Variants in TAF5 observed in about 807,000 individuals in gnomAD.
TAF5 encodes transcription initiation factor TFIID subunit 5.
A neutral mutation model predicts 80.9 loss-of-function variants in TAF5; 20 were observed. That is an observed-to-expected ratio of 0.25 (90% confidence interval 0.17 to 0.36). The LOEUF is 0.36. Among genes scored for constraint, TAF5 ranks in the 10% least tolerant of loss-of-function variants. TAF5 has a pLI of 1.00. For missense variants in TAF5, 863 were observed against 1,029.4 expected, an observed-to-expected ratio of 0.84 and a Z score of 2.21; for synonymous variants, 388 against 406.4, an observed-to-expected ratio of 0.95 and a Z score of 0.55.
chr10:103,382,782 A>G (rs2093385984), intron 6 of TAF5, among the ~76,000 whole-genome samples: 1 of 151,542 alleles, frequency 6.6e-6, no homozygotes, highest in Non-Finnish European at 1.5e-5. Context: ...TGAGTAGCTG[A>G]GACTACAGGT....
chr10:103,387,922 C>A, intron 10 of TAF5, 84 bp from the exon 11 acceptor site: 2 of 1,321,748 alleles, frequency 1.5e-6, no homozygotes, highest in Non-Finnish European at 2.1e-6. Context: ...CCAAAATGTA[C>A]AGTAAATACA....
At position 103,368,540 on chromosome 10, in the gene TAF5, C is replaced by T; in HGVS notation, c.551C>T (p.Pro184Leu). ...VSGSASGPAA[P>L]GKVGSVAVED... ...GGTTCAGCCTCAGGTCCTGCGGCTC[C>T]GGGTAAAGGTGAGCCGTGGGGTCCC... Residue 184 changes from proline to leucine, a missense_variant, in exon 1 of 11, where the codon CCG becomes CTG. Coordinates refer to ENST00000369839, the MANE Select transcript of TAF5 (RefSeq NM_006951.5). 1 of 1,516,812 alleles carries T rather than the reference C, an allele frequency of 6.6e-7. No individual in the cohort carries two copies. The highest frequency in any genetic ancestry group is 1.4e-5 in the African/African-American group (1 of 70,986). 94.0% of individuals were successfully genotyped at this position (1,516,812 alleles called of 1,614,324 possible).
intron 1 of TAF5, among the ~76,000 whole-genome samples, chr10:103,369,723 G>T (rs1188257238): frequency 6.6e-6 from 1 of 152,076 alleles, no homozygotes; most frequent in Non-Finnish European, 1.5e-5. Context: ...GAGGATGCAG[G>T]TTCCTGGGCA....
intron 6 of TAF5, 131 bp downstream of exon 6, chr10:103,381,972 C>T: frequency 7.7e-7 from 1 of 1,304,108 alleles, no homozygotes; most frequent in Non-Finnish European, 1.1e-6. Flanking sequence ...AAGATTCTAA[C>T]ATTCCCAACA....
At chr10:103,373,670 T>C (rs1439695932) in intron 2 of TAF5, 75 bp downstream of exon 2, 3 of 1,122,312 alleles carry the variant, frequency 2.7e-6, no homozygotes, top group Non-Finnish European at 3.8e-6. Context: ...TTTTCACATC[T>C]GTAACCACAA....
chr10:103,371,066 C>T (rs1486676289), intron 1 of TAF5, among the ~76,000 whole-genome samples: 1 of 151,992 alleles, frequency 6.6e-6, no homozygotes, highest in Non-Finnish European at 1.5e-5. Flanking sequence ...CATGGTGAAA[C>T]CCCATCTCTA....
rs1024205242 is a variant in TAF5, at chr10:103,374,964, C to G, written c.797+1369C>G. On this transcript the variant is annotated intron_variant, in intron 2 of 10. Coordinates refer to ENST00000369839, the MANE Select transcript of TAF5 (RefSeq NM_006951.5). This position sits in a 1 kb window ranked among gnomAD's most constrained non-coding sequence, Gnocchi z 4.3. ...GAGACCTAGTCTCTTCAAAAAAATG[C>G]AAAAATTAGCTGGGTGTGGTAGCTC... 6.6e-6 allele frequency among the ~76,000 whole-genome samples: 1 copy of G among 151,720 alleles called. No homozygotes were observed. The highest frequency in any genetic ancestry group is 6.6e-5 in the Admixed American group (1 of 15,208).
intron 1 of TAF5, among the ~76,000 whole-genome samples, chr10:103,369,346 AT>A (rs11427664): frequency 1.3e-5 from 2 of 150,964 alleles, no homozygotes; most frequent in African/African-American, 4.9e-5. Flanking sequence ...TAAAAGTTGA[AT>A]TTTTTTTCTT....
rs2093402742 is a variant in TAF5 at position 103,388,319 on chromosome 10, G to A, written c.*96G>A. On this transcript the variant is annotated 3_prime_UTR_variant, in exon 11 of 11. Transcript: ENST00000369839. ...GATTAATATTTAAGCTACAGAGAATGTTTTTGTCTATATGGATCTGGAAGT... is the reference window on the plus strand; with the variant it reads ...GATTAATATTTAAGCTACAGAGAATATTTTTGTCTATATGGATCTGGAAGT... 1 of 1,118,506 alleles carries A rather than the reference G, an allele frequency of 8.9e-7. No individual in the cohort carries two copies. The highest frequency in any genetic ancestry group is 1.3e-6 in the Non-Finnish European group (1 of 787,332). 69.3% of individuals were successfully genotyped at this position (1,118,506 alleles called of 1,614,324 possible). A position where few individuals can be genotyped will look rare whatever the true frequency, so the allele number is the denominator to read the frequency against.
At chr10:103,371,541 CAG>C (rs1321024280) in intron 1 of TAF5, among the ~76,000 whole-genome samples, 4 of 152,164 alleles carry the variant, frequency 2.6e-5, no homozygotes, top group African/African-American at 9.7e-5. Flanking sequence ...ATTTAATTGA[CAG>C]ATGTATTGTT....
In TAF5 at chr10:103,379,867, C is replaced by A; in HGVS notation, c.1278-17C>A. 4 of 1,608,714 alleles carry A rather than the reference C, an allele frequency of 2.5e-6. No homozygotes were observed. The highest frequency in any genetic ancestry group is 3.4e-6 in the Non-Finnish European group (4 of 1,178,500). On this transcript the variant is annotated splice_polypyrimidine_tract_variant and intron_variant, in intron 4 of 10. Transcript: ENST00000369839. ...TAATAGTCAAAAGGTAATTTTGACT[C>A]TCTTTTTCTTTCACAGAATCCCTCT...
intron 5 of TAF5, among the ~76,000 whole-genome samples, 173 bp downstream of exon 5, chr10:103,380,192 G>A (rs1027349937): frequency 4.6e-5 from 7 of 151,250 alleles, no homozygotes. Context: ...GCAGTGGCGC[G>A]ATCTCAGCTC....
Position 103,368,003 on chromosome 10 carries a change from C to T in TAF5, c.14C>T (p.Ala5Val), listed in dbSNP as rs1303625536. The T allele has an allele frequency of 8.2e-6, 12 of 1,459,854 alleles. No individual in the cohort carries two copies. The South Asian group carries it at 1.3e-4, about 16-fold the overall frequency. 90.4% of individuals were successfully genotyped at this position (1,459,854 alleles called of 1,614,324 possible). A position where few individuals can be genotyped will look rare whatever the true frequency, so the allele number is the denominator to read the frequency against. ...CTCAGCCGCAAGATGGCGGCGCTGG[C>T]GGAGGAGCAGACGGAGGTGGCGGTC... MAAL[A>V]EEQTEVAVKL... Residue 5 changes from alanine to valine, a missense_variant, in exon 1 of 11, where the codon GCG becomes GTG. Transcript: ENST00000369839.
At chr10:103,369,814 A>G (rs1220951967) in intron 1 of TAF5, among the ~76,000 whole-genome samples, 3 of 152,198 alleles carry the variant, frequency 2.0e-5, no homozygotes, top group Non-Finnish European at 2.9e-5. Context: ...TCTAAGGAGT[A>G]TTGACATATG....
At position 103,374,508 on chromosome 10, in the gene TAF5, G is replaced by A. The variant is rs1002610394; in HGVS notation, c.797+913G>A. Among the ~76,000 whole-genome samples, 3 of 152,204 alleles carry A rather than the reference G, an allele frequency of 2.0e-5. No individual in the cohort carries two copies. The highest frequency in any genetic ancestry group is 7.2e-5 in the African/African-American group (3 of 41,448). ...TCTTCCTTTTATATCTTAACAGTCA[G>A]TGGCCACACCTAGCTACAAGGGAAA... On this transcript the variant is annotated intron_variant, in intron 2 of 10. Transcript: ENST00000369839. This position sits in a 1 kb window ranked among gnomAD's most constrained non-coding sequence, Gnocchi z 4.3.
Position 103,387,290 on chromosome 10 carries a change from A to G in TAF5, c.1945A>G (p.Arg649Gly). 1.9e-6 allele frequency: 3 copies of G among 1,614,184 alleles called. No individual in the cohort carries two copies. The highest frequency in any genetic ancestry group is 2.5e-6 in the Non-Finnish European group (3 of 1,180,038). ...TTATGTTGCTACGGGCTCTGCAGAC[A>G]GAACTGTGCGGCTCTGGGACGTCCT... is the stretch of plus-strand genomic sequence containing the variant. ...SNYVATGSAD[R>G]TVRLWDVLNG... The change falls in exon 9 of 11, where the codon AGA becomes GGA. Residue 649 changes from arginine to glycine, a missense_variant. Transcript: ENST00000369839.
chr10:103,382,244 G>A (rs922500063), intron 6 of TAF5, among the ~76,000 whole-genome samples: 7 of 152,174 alleles, frequency 4.6e-5, no homozygotes, highest in Non-Finnish European at 1.0e-4. Context: ...TTGAGACAGA[G>A]TCTCGCCCTG....
At position 103,374,847 on chromosome 10, in the gene TAF5, C is replaced by A. The variant is rs2093367002; in HGVS notation, c.797+1252C>A. Among the ~76,000 whole-genome samples the A allele has an allele frequency of 6.6e-6, 1 of 152,018 alleles. No homozygotes were observed. The highest frequency in any genetic ancestry group is 1.5e-5 in the Non-Finnish European group (1 of 68,006). On this transcript the variant is annotated intron_variant, in intron 2 of 10. Transcript: ENST00000369839. The surrounding 1 kb of genome is among the most constrained non-coding windows in gnomAD (Gnocchi z 4.3). ...CCATTTGAAAATGTGTAGAGGTGGC[C>A]CGGCGCTGCGGCTCACGCCTTTAAT...
In TAF5 at chr10:103,381,743, CTGA is replaced by C; in HGVS notation, c.1441_1443del (p.Asp481del). The C allele has an allele frequency of 6.2e-7, 1 of 1,614,146 alleles. No individual in the cohort carries two copies. The highest frequency in any genetic ancestry group is 2.2e-5 in the East Asian group (1 of 44,876). ...CAGGGTCTCACTGCAGTGGATGTCACTGATGATTCTAGTCTGATTGCTGGAGGT... is the reference window on the plus strand; with the variant it reads ...CAGGGTCTCACTGCAGTGGATGTCACTGATTCTAGTCTGATTGCTGGAGGT... On this transcript the variant is annotated inframe_deletion, in exon 6 of 11. Transcript: ENST00000369839.
Sources: allele counts gnomAD v4.1 joint callset (sites outside exome capture counted in the v4.1 genomes callset), GRCh38; gene constraint gnomAD v4.1.1; non-coding constraint Gnocchi (gnomAD v3.1); transcripts MANE v1.5; gene names NCBI Gene and HGNC (gene_info 2026-07-23, HGNC 2026-07-21).